The following SLC25A20 variants were observed in gnomAD, a reference collection of about 807,000 sequenced individuals.
The protein encoded by SLC25A20 is mitochondrial carnitine/acylcarnitine carrier protein.
A neutral mutation model predicts 39.7 loss-of-function variants in SLC25A20; 29 were observed. The ratio of observed to expected loss-of-function variants is 0.73; its 90% confidence interval spans 0.54 to 1.00. The LOEUF (loss-of-function observed/expected upper bound fraction) is 1.00. Among genes scored for constraint, SLC25A20 ranks in the 50% least tolerant of loss-of-function variants. SLC25A20 has a pLI of 0.00. For synonymous variants in SLC25A20, 103 were observed against 142.2 expected (o/e 0.72, Z 1.96); for missense variants, 333 against 379.9 (o/e 0.88, Z 1.03).
In SLC25A20 at chr3:48,896,815, C is replaced by T. The variant is rs111559468; in HGVS notation, c.105+1875G>A. The stretch of plus-strand genomic sequence containing the variant: ...TTAACAGGCATGAGCCCACCGTGAC[C>T]GGCCTAGGTTGTCTTATTTTATAAT... On this transcript the variant is annotated intron_variant, in intron 1 of 8. Coordinates refer to ENST00000319017, the MANE Select transcript of SLC25A20 (RefSeq NM_000387.6). 2.8e-3 allele frequency among the ~76,000 whole-genome samples: 430 copies of T among 152,022 alleles called. 4 individuals are homozygous for T. The highest frequency in any genetic ancestry group is 9.8e-3 in the African/African-American group (408 of 41,474).
intron 2 of SLC25A20, among the ~76,000 whole-genome samples, chr3:48,888,037 T>G (rs1212095661): frequency 6.8e-6 from 1 of 147,962 alleles, no homozygotes; most frequent in Non-Finnish European, 1.5e-5. Context: ...GCAAAACCCA[T>G]CTGTACTAAA....
Position 48,862,676 on chromosome 3 carries a change from G to C in SLC25A20, c.418-17C>G. ...AGCCTGAATCTGGGAGGGAGGAGAGGATCATTAAGTCAGAAACATCAGAGT... is the reference window on the plus strand; with the variant it reads ...AGCCTGAATCTGGGAGGGAGGAGAGCATCATTAAGTCAGAAACATCAGAGT... On this transcript the variant is annotated splice_polypyrimidine_tract_variant and intron_variant, in intron 4 of 8. Coordinates refer to ENST00000319017, the MANE Select transcript of SLC25A20 (RefSeq NM_000387.6). 1 of 1,540,924 alleles carries C rather than the reference G, an allele frequency of 6.5e-7. No homozygotes were observed.
At chr3:48,863,900 A>T (rs560712740) in intron 4 of SLC25A20, among the ~76,000 whole-genome samples, 1 of 152,130 alleles carries the variant, frequency 6.6e-6, no homozygotes, top group South Asian at 2.1e-4. Context: ...CTGTAATCTC[A>T]GCTACTCAGG....
intron 4 of SLC25A20, among the ~76,000 whole-genome samples, chr3:48,866,503 G>A (rs1426987683): frequency 4.0e-5 from 6 of 151,884 alleles, no homozygotes; most frequent in African/African-American, 1.5e-4. Context: ...GCAGTGAGCC[G>A]AGATTATGCC....
intron 1 of SLC25A20, among the ~76,000 whole-genome samples, chr3:48,894,172 A>G (rs532624719): frequency 2.0e-4 from 27 of 137,410 alleles, no homozygotes; most frequent in East Asian, 1.8e-3. Flanking sequence ...AAAAAAAAAA[A>G]AAGAAGAAGA....
chr3:48,898,696 C>T lies in SLC25A20; in HGVS notation c.99G>A (p.Thr33=), dbSNP rs139839512. 28 of 1,603,578 alleles carry T rather than the reference C, an allele frequency of 1.7e-5. No homozygotes were observed. In the African/African-American group the frequency reaches 3.6e-4, roughly 21 times the overall value. Residue 33 remains threonine, a synonymous_variant, in exon 1 of 9, where the codon ACG becomes ACA. Coordinates refer to ENST00000319017, the MANE Select transcript of SLC25A20 (RefSeq NM_000387.6). ...GCGACCCAGCCTCCCGCACCTTGAC[C>T]GTGTCCAGAGGGTGACCGACGAACA... ...CLVFVGHPLD[T]VKVRLQTQPP...
intron 4 of SLC25A20, among the ~76,000 whole-genome samples, chr3:48,866,747 C>T (rs1403992641): frequency 2.0e-5 from 3 of 148,936 alleles, no homozygotes; most frequent in Non-Finnish European, 3.0e-5. Flanking sequence ...CCTCCCACCT[C>T]AGACTCCTGA....
intron 1 of SLC25A20, among the ~76,000 whole-genome samples, chr3:48,895,244 G>C (rs1420009479): frequency 6.6e-6 from 1 of 152,354 alleles, no homozygotes; most frequent in South Asian, 2.1e-4. Context: ...CCAATCTCAG[G>C]TGATCTGCCC....
intron 1 of SLC25A20, among the ~76,000 whole-genome samples, chr3:48,892,963 C>A (rs745770679): frequency 2.1e-4 from 32 of 152,122 alleles, no homozygotes; most frequent in Non-Finnish European, 4.6e-4. Flanking sequence ...ATTTTATATT[C>A]CCATAAGCAG....
chr3:48,898,730 A>C lies in SLC25A20; in HGVS notation c.65T>G (p.Val22Gly). The C allele has an allele frequency of 6.2e-7, 1 of 1,608,678 alleles. No homozygotes were observed. Residue 22 changes from valine (V) to glycine (G), a missense_variant, in exon 1 of 9, where the codon GTG becomes GGG. Coordinates refer to ENST00000319017, the MANE Select transcript of SLC25A20 (RefSeq NM_000387.6). Reference protein sequence around the residue: ...KNLLAGGFGGVCLVFVGHPLD... With the variant: ...KNLLAGGFGGGCLVFVGHPLD... The stretch of plus-strand genomic sequence containing the variant: ...AGGGTGACCGACGAACACCAGGCAC[A>C]CGCCGCCAAAGCCGCCGGCCAGCAG...
At chr3:48,882,794 C>T (rs2083803738) in intron 3 of SLC25A20, among the ~76,000 whole-genome samples, 1 of 152,094 alleles carries the variant, frequency 6.6e-6, no homozygotes, top group South Asian at 2.1e-4. Flanking sequence ...GGGGCTGAGG[C>T]AGAAGAATCA....
At chr3:48,891,524 A>G (rs1490654019) in intron 2 of SLC25A20, among the ~76,000 whole-genome samples, 1 of 152,032 alleles carries the variant, frequency 6.6e-6, no homozygotes, top group Non-Finnish European at 1.5e-5. Flanking sequence ...TACATGCGCT[A>G]CCATGCCCCT....
chr3:48,892,094 CA>C, intron 1 of SLC25A20, 22 bp from the exon 2 acceptor site: 1 of 1,592,956 alleles, frequency 6.3e-7, no homozygotes, highest in Non-Finnish European at 8.6e-7. Flanking sequence ...AGTTAAAATG[CA>C]GTCACCTACC....
chr3:48,881,841 A>G (rs1271155222), intron 3 of SLC25A20, among the ~76,000 whole-genome samples: 1 of 152,216 alleles, frequency 6.6e-6, no homozygotes, highest in Non-Finnish European at 1.5e-5. Context: ...ATCAATGGGC[A>G]AATGCAGCTC....
chr3:48,882,290 G>C (rs1354827367), intron 3 of SLC25A20, among the ~76,000 whole-genome samples: 1 of 152,152 alleles, frequency 6.6e-6, no homozygotes, highest in African/African-American at 2.4e-5. Flanking sequence ...GTTTATTAAA[G>C]GAAAACACAT....
chr3:48,881,738 G>A (rs764247038), intron 3 of SLC25A20, among the ~76,000 whole-genome samples: 2 of 152,096 alleles, frequency 1.3e-5, no homozygotes, highest in Non-Finnish European at 2.9e-5. Flanking sequence ...ACCCCACGGG[G>A]GTCATGCATG....
At chr3:48,858,780 C>A in intron 7 of SLC25A20, 149 bp from the exon 8 acceptor site, 1 of 920,658 alleles carries the variant, frequency 1.1e-6, no homozygotes, top group Non-Finnish European at 1.7e-6. Context: ...GGGACAAATG[C>A]ACAAATGCCT....
chr3:48,857,990 G>C (rs1389133336), intron 8 of SLC25A20, among the ~76,000 whole-genome samples: 2 of 141,336 alleles, frequency 1.4e-5, no homozygotes, highest in Non-Finnish European at 3.1e-5. Flanking sequence ...TTTTTGAGAT[G>C]GAGTTTTGCT....
chr3:48,889,503 T>C (rs2083857594), intron 2 of SLC25A20, among the ~76,000 whole-genome samples: 1 of 152,176 alleles, frequency 6.6e-6, no homozygotes, highest in South Asian at 2.1e-4. Context: ...TGACTTTTCC[T>C]TCAGACTTTA....
Sources: allele counts gnomAD v4.1 joint callset (sites outside exome capture counted in the v4.1 genomes callset), GRCh38; gene constraint gnomAD v4.1.1; transcripts MANE v1.5; gene names NCBI Gene and HGNC (gene_info 2026-07-23, HGNC 2026-07-21).